The following CA10 variants were observed in gnomAD, a reference collection of about 807,000 sequenced individuals.
CA10 encodes the protein carbonic anhydrase-related protein 10.
A neutral mutation model predicts 44.2 loss-of-function variants in CA10; 14 were observed. That is an observed-to-expected ratio of 0.32 (90% confidence interval 0.21 to 0.50). The LOEUF (loss-of-function observed/expected upper bound fraction) is 0.50, where lower values mean the gene tolerates loss of function less well. CA10 is among the 20% of genes least tolerant of loss of function. The pLI, the probability that CA10 is intolerant of heterozygous loss-of-function variation, is 0.99. For synonymous variants in CA10, 159 were observed against 141.6 expected (o/e 1.12, Z -0.87); for missense variants, 350 against 409.7 (o/e 0.85, Z 1.26).
chr17:51,826,937 T>C (rs1908029878), intron 3 of CA10, among the ~76,000 whole-genome samples: 1 of 152,218 alleles, frequency 6.6e-6, no homozygotes, highest in Non-Finnish European at 1.5e-5. Flanking sequence ...CTCTACACCC[T>C]GCACACACGT....
At chr17:51,917,713 G>C (rs1672508598) in intron 3 of CA10, among the ~76,000 whole-genome samples, 1 of 152,140 alleles carries the variant, frequency 6.6e-6, no homozygotes, top group African/African-American at 2.4e-5. Flanking sequence ...CACGAGTACA[G>C]CACCAAGAGG....
chr17:52,151,845 T>C (rs1471158903), intron 1 of CA10, among the ~76,000 whole-genome samples: 2 of 152,106 alleles, frequency 1.3e-5, no homozygotes, highest in South Asian at 2.1e-4. Context: ...AAATTACTTA[T>C]CCAAGACCAA....
upstream of CA10, chr17:52,159,316 C>A (rs2143438199): frequency 6.6e-6 from 1 of 152,340 alleles, no homozygotes; most frequent in African/African-American, 2.4e-5. Flanking sequence ...AGGTGCAACT[C>A]TTGCCTGCAA....
chr17:51,898,854 T>C (rs1289502373), intron 3 of CA10, among the ~76,000 whole-genome samples: 1 of 151,928 alleles, frequency 6.6e-6, no homozygotes, highest in Non-Finnish European at 1.5e-5. Flanking sequence ...TTCATAGTAG[T>C]CTCTGAGGTT....
chr17:51,929,709 C>T (rs1370313058), intron 3 of CA10, among the ~76,000 whole-genome samples: 1 of 152,068 alleles, frequency 6.6e-6, no homozygotes, highest in East Asian at 1.9e-4. Flanking sequence ...AAATAATTCA[C>T]CTTTTTAAAG....
chr17:51,971,434 G>T (rs560095674), intron 2 of CA10, among the ~76,000 whole-genome samples: 2 of 152,230 alleles, frequency 1.3e-5, no homozygotes, highest in South Asian at 4.1e-4. Context: ...ATGAGACATG[G>T]ATCCTGTATT....
rs77579529 is a variant in CA10, at chr17:51,832,976, G to A, written c.280-85158C>T. On this transcript the variant is annotated intron_variant, in intron 3 of 8. Transcript: ENST00000451037. Reference sequence around the variant, plus strand: ...GTGGAGGCTTCTGAGGTTCTTTTCAGTTCTAAGATCCAAAATTCTATGAGA... The same window carrying A: ...GTGGAGGCTTCTGAGGTTCTTTTCAATTCTAAGATCCAAAATTCTATGAGA... Among the ~76,000 whole-genome samples, 705 of 152,218 alleles carry A rather than the reference G, an allele frequency of 4.6e-3. 10 individuals are homozygous for A. The highest frequency in any genetic ancestry group is 0.016 in the Admixed American group (240 of 15,298).
chr17:51,761,744 T>C (rs779541224), intron 3 of CA10: 2 of 152,214 alleles, frequency 1.3e-5, no homozygotes, highest in Non-Finnish European at 2.9e-5. Context: ...GCTCTGCAAG[T>C]GTAATGAACA....
At chr17:51,675,044 G>T (rs562934616) in intron 4 of CA10, among the ~76,000 whole-genome samples, 1 of 152,298 alleles carries the variant, frequency 6.6e-6, no homozygotes, top group Admixed American at 6.5e-5. Flanking sequence ...GCCCCCCGTT[G>T]CCTTAAACAA....
rs904501530 is a variant in CA10 at position 51,980,465 on chromosome 17, C to T, written c.137-49333G>A. On this transcript the variant is annotated intron_variant, in intron 2 of 8. Coordinates refer to ENST00000451037, the MANE Select transcript of CA10 (RefSeq NM_020178.5). ...CAGTTTGCAAATATTTTCCTCCATTCTGTAGGTTGTCTATTTACTGAGAGT... is the reference window on the plus strand; with the variant it reads ...CAGTTTGCAAATATTTTCCTCCATTTTGTAGGTTGTCTATTTACTGAGAGT... Among the ~76,000 whole-genome samples, 43 of 152,170 alleles carry T rather than the reference C, an allele frequency of 2.8e-4. 1 individual carries two copies. The highest frequency in any genetic ancestry group is 6.2e-4 in the South Asian group (3 of 4,822).
intron 4 of CA10, among the ~76,000 whole-genome samples, chr17:51,669,110 T>C (rs1914316229): frequency 6.6e-6 from 1 of 152,188 alleles, no homozygotes; most frequent in South Asian, 2.1e-4. Context: ...TCCCATCAAC[T>C]GCCCAAGGGC....
intron 1 of CA10, among the ~76,000 whole-genome samples, chr17:52,113,450 C>A (rs539952764): frequency 1.3e-5 from 2 of 152,190 alleles, no homozygotes; most frequent in Non-Finnish European, 2.9e-5. Flanking sequence ...TTGCCCTGGG[C>A]ACCATGGAGA....
At chr17:52,062,556 C>T (rs1262357738) in intron 2 of CA10, among the ~76,000 whole-genome samples, 1 of 152,228 alleles carries the variant, frequency 6.6e-6, no homozygotes, top group African/African-American at 2.4e-5. Context: ...TTTCAGGGAA[C>T]AGGCCCGAGT....
chr17:51,753,101 G>A (rs1164891346), intron 3 of CA10, among the ~76,000 whole-genome samples: 1 of 152,142 alleles, frequency 6.6e-6, no homozygotes, highest in Non-Finnish European at 1.5e-5. Flanking sequence ...CCCAGGAGGA[G>A]GCTTCGAGAA....
intron 3 of CA10, among the ~76,000 whole-genome samples, chr17:51,860,711 G>A (rs1368107736): frequency 6.6e-6 from 1 of 152,122 alleles, no homozygotes; most frequent in African/African-American, 2.4e-5. Flanking sequence ...TGATATAGCT[G>A]TGTATTAATA....
chr17:51,719,968 G>T (rs187978317), intron 4 of CA10, among the ~76,000 whole-genome samples: 61 of 152,252 alleles, frequency 4.0e-4, no homozygotes, highest in Admixed American at 9.2e-4. Context: ...GCTGGAGTTT[G>T]GTGCTCAACT....
At chr17:51,799,722 C>CAAAA (rs1906853179) in intron 3 of CA10, among the ~76,000 whole-genome samples, 1 of 151,952 alleles carries the variant, frequency 6.6e-6, no homozygotes, top group Non-Finnish European at 1.5e-5. Context: ...GTATATTATC[C>CAAAA]AAAGAAGATA....
chr17:51,874,161 C>T (rs1979943654), intron 3 of CA10, among the ~76,000 whole-genome samples: 1 of 152,028 alleles, frequency 6.6e-6, no homozygotes, highest in Non-Finnish European at 1.5e-5. Flanking sequence ...CAGACCAATG[C>T]TCTAAGTCCA....
At chr17:51,638,668 A>C (rs547307388) in intron 6 of CA10, among the ~76,000 whole-genome samples, 1 of 152,326 alleles carries the variant, frequency 6.6e-6, no homozygotes, top group African/African-American at 2.4e-5. Context: ...ATAGATGAGT[A>C]GGAAATAATT....
Sources: allele counts gnomAD v4.1 joint callset (sites outside exome capture counted in the v4.1 genomes callset), GRCh38; gene constraint gnomAD v4.1.1; transcripts MANE v1.5; gene names NCBI Gene and HGNC (gene_info 2026-07-23, HGNC 2026-07-21).